The following DAPK2 variants were observed in gnomAD, a reference collection of about 807,000 sequenced individuals.
The protein encoded by DAPK2 is death associated protein kinase 2.
Under a neutral mutation model 44.1 loss-of-function variants are expected in DAPK2, and 35 were observed. The observed-to-expected ratio is 0.79, with a 90% CI of 0.61 to 1.05. The LOEUF (loss-of-function observed/expected upper bound fraction) is 1.05, where lower values mean the gene tolerates loss of function less well. Among genes scored for constraint, DAPK2 ranks in the 50% least tolerant of loss-of-function variants. The pLI is 0.00. For synonymous variants in DAPK2, 174 were observed against 182.6 expected (o/e 0.95, Z 0.38); for missense variants, 453 against 483.2 (o/e 0.94, Z 0.59).
chr15:63,921,563 G>A (rs1276947055), intron 8 of DAPK2: 2 of 152,242 alleles, frequency 1.3e-5, no homozygotes, highest in Non-Finnish European at 2.9e-5. Flanking sequence ...AGGGAGATGA[G>A]ATCTTATAAT....
chr15:63,996,294 T>G (rs1201127141), intron 1 of DAPK2, among the ~76,000 whole-genome samples: 2 of 152,120 alleles, frequency 1.3e-5, no homozygotes, highest in East Asian at 3.9e-4. Flanking sequence ...ATTGTTTTAA[T>G]TAGCTGGGCA....
Position 63,988,560 on chromosome 15 carries a change from G to C in DAPK2, c.93-4806C>G, listed in dbSNP as rs58868979. Among the ~76,000 whole-genome samples the C allele has an allele frequency of 2.0e-3, 302 of 150,044 alleles. 3 individuals carry two copies. Among genetic ancestry groups the C allele is most frequent in the African/African-American group, 6.9e-3 (283 of 40,782 alleles). On this transcript the variant is annotated intron_variant, in intron 1 of 10. Coordinates refer to ENST00000261891, the Ensembl canonical transcript of DAPK2. ...CGCTCTGTTGCCCAGGATGGAGTAC[G>C]GTGGCGCAATCTCGGCTCACTGCAA...
At chr15:63,993,061 T>C (rs1310915515) in intron 1 of DAPK2, among the ~76,000 whole-genome samples, 1 of 152,124 alleles carries the variant, frequency 6.6e-6, no homozygotes, top group African/African-American at 2.4e-5. Context: ...AAGTGAACCA[T>C]TCATGTTCTA....
intron 3 of DAPK2, among the ~76,000 whole-genome samples, chr15:63,949,454 C>T (rs2077531525): frequency 6.6e-6 from 1 of 152,182 alleles, no homozygotes; most frequent in Non-Finnish European, 1.5e-5. Flanking sequence ...GCTCTCCCTT[C>T]CCTTCCCTTT....
chr15:63,956,585 T>C (rs549934881), intron 3 of DAPK2, among the ~76,000 whole-genome samples: 292 of 152,144 alleles, frequency 1.9e-3, no homozygotes, highest in African/African-American at 6.4e-3. Flanking sequence ...ATGATTTCAA[T>C]TTAAATTTTT....
intron 3 of DAPK2, among the ~76,000 whole-genome samples, chr15:63,965,726 GC>G (rs1305779650): frequency 2.6e-5 from 4 of 152,062 alleles, no homozygotes; most frequent in East Asian, 1.9e-4. Flanking sequence ...TCCCCCCATG[GC>G]CCCCACTGCC....
At chr15:63,985,734 C>T (rs1020026349) in intron 1 of DAPK2, among the ~76,000 whole-genome samples, 16 of 152,208 alleles carry the variant, frequency 1.1e-4, no homozygotes, top group African/African-American at 3.1e-4. Context: ...ACTTGTGAAA[C>T]GGCAGAAGGG....
At chr15:63,956,458 T>C (rs2077725262) in intron 3 of DAPK2, among the ~76,000 whole-genome samples, 1 of 152,162 alleles carries the variant, frequency 6.6e-6, no homozygotes, top group Non-Finnish European at 1.5e-5. Flanking sequence ...ATTTCTTCAA[T>C]AGCCCACTGG....
At chr15:63,922,672 A>C (rs1180784938) in intron 8 of DAPK2, 3 of 1,456,876 alleles carry the variant, frequency 2.1e-6, no homozygotes, top group Non-Finnish European at 1.8e-6. Context: ...AGGCCGCAGC[A>C]GGGTGGATGA....
rs2078215826 is a variant in DAPK2, at chr15:63,971,638, C to G, written c.315-77G>C. 3 of 1,521,562 alleles carry G rather than the reference C, an allele frequency of 2.0e-6. No homozygotes were observed. In the Admixed American group the frequency reaches 6.1e-5, roughly 31 times the overall value. 94.3% of individuals were successfully genotyped at this position (1,521,562 alleles called of 1,614,324 possible). A position where few individuals can be genotyped will look rare whatever the true frequency, so the allele number is the denominator to read the frequency against. On this transcript the variant is annotated intron_variant, in intron 2 of 10. Coordinates refer to ENST00000261891, the Ensembl canonical transcript of DAPK2. ...TGTCATGAGGCTGGGCTGATAGGGG[C>G]AAGCCCTCATCCTGACCCCCCAGGG...
intron 1 of DAPK2, among the ~76,000 whole-genome samples, chr15:64,028,251 G>T (rs1042117428): frequency 1.3e-5 from 2 of 152,174 alleles, no homozygotes; most frequent in African/African-American, 4.8e-5. Context: ...TAGAGATGGG[G>T]TTTCGCCATG....
chr15:63,978,281 C>G (rs373817152), intron 2 of DAPK2, among the ~76,000 whole-genome samples: 5 of 152,316 alleles, frequency 3.3e-5, no homozygotes, highest in African/African-American at 1.2e-4. Flanking sequence ...AGTCTGCCAG[C>G]CCCTGCCAGG....
rs1031072696 is a variant in DAPK2, at chr15:64,036,097, C to T, written c.92+4073G>A. On this transcript the variant is annotated intron_variant, in intron 1 of 10. Coordinates refer to ENST00000261891, the Ensembl canonical transcript of DAPK2. ...CCAGCATGGTGAAACCCCATATCTA[C>T]TAAAAATACAAAAATTAGCCAGACA... Among the ~76,000 whole-genome samples, 2 of 151,518 alleles carry T rather than the reference C, an allele frequency of 1.3e-5. 1 individual carries two copies. The highest frequency in any genetic ancestry group is 4.2e-4 in the South Asian group (2 of 4,796).
At chr15:64,010,090 C>T (rs572608622) in intron 1 of DAPK2, among the ~76,000 whole-genome samples, 4 of 152,086 alleles carry the variant, frequency 2.6e-5, no homozygotes, top group Admixed American at 1.3e-4. Flanking sequence ...AAGTGTGACC[C>T]GAGACCAGTA....
chr15:64,020,084 T>C lies in DAPK2; in HGVS notation c.92+20086A>G, dbSNP rs148187487. Reference sequence around the variant, plus strand: ...CTGTGCCATAAGCCATGGCTCTAGATGAGTGATTCCTGCCCCAGCTGAGTA... The same window carrying C: ...CTGTGCCATAAGCCATGGCTCTAGACGAGTGATTCCTGCCCCAGCTGAGTA... On this transcript the variant is annotated intron_variant, in intron 1 of 10. Coordinates refer to ENST00000261891, the Ensembl canonical transcript of DAPK2. This position sits in a 1 kb window ranked among gnomAD's most constrained non-coding sequence, Gnocchi z 4.5. Among the ~76,000 whole-genome samples, 203 of 152,322 alleles carry C rather than the reference T, an allele frequency of 1.3e-3. 1 individual carries two copies. Among genetic ancestry groups the C allele is most frequent in the African/African-American group, 4.4e-3 (184 of 41,572 alleles).
In DAPK2 at chr15:63,966,690, G is replaced by T. The variant is rs2078062791; in HGVS notation, c.453+4733C>A. The stretch of plus-strand genomic sequence containing the variant: ...TTCCAGCGGGGTTCTGCCTGGTATT[G>T]CTTTCTGCTGTGACAGGGCAGCACT... On this transcript the variant is annotated intron_variant, in intron 3 of 10. Transcript: ENST00000261891. This position sits in a 1 kb window ranked among gnomAD's most constrained non-coding sequence, Gnocchi z 5.5. Among the ~76,000 whole-genome samples the T allele has an allele frequency of 6.6e-6, 1 of 152,134 alleles. No individual in the cohort carries two copies. The highest frequency in any genetic ancestry group is 2.4e-5 in the African/African-American group (1 of 41,424).
Position 63,966,571 on chromosome 15 carries a change from C to T in DAPK2, c.453+4852G>A, listed in dbSNP as rs1198248846. Among the ~76,000 whole-genome samples, 2 of 152,214 alleles carry T rather than the reference C, an allele frequency of 1.3e-5. No homozygotes were observed. Among genetic ancestry groups the T allele is most frequent in the Non-Finnish European group, 2.9e-5 (2 of 68,034 alleles). On this transcript the variant is annotated intron_variant, in intron 3 of 10. Coordinates refer to ENST00000261891, the Ensembl canonical transcript of DAPK2. The surrounding 1 kb of genome is among the most constrained non-coding windows in gnomAD (Gnocchi z 5.5). ...ACTTAGAAACCCAGAGCACTTTAGTCTGCAGTGGTGAGGCTTGCTGGAACT... is the reference window on the plus strand; with the variant it reads ...ACTTAGAAACCCAGAGCACTTTAGTTTGCAGTGGTGAGGCTTGCTGGAACT...
intron 2 of DAPK2, among the ~76,000 whole-genome samples, chr15:63,973,090 A>T (rs1478525279): frequency 6.6e-6 from 1 of 152,226 alleles, no homozygotes; most frequent in Non-Finnish European, 1.5e-5. Flanking sequence ...ATATCAAAGG[A>T]GGGGCCTCCA....
At chr15:64,021,501 A>T (rs974234495) in intron 1 of DAPK2, among the ~76,000 whole-genome samples, 4 of 152,334 alleles carry the variant, frequency 2.6e-5, no homozygotes, top group Admixed American at 6.5e-5. Flanking sequence ...CTGGCTAAGC[A>T]CAGCTGATGG....
Sources: allele counts gnomAD v4.1 joint callset (sites outside exome capture counted in the v4.1 genomes callset), GRCh38; gene constraint gnomAD v4.1.1; non-coding constraint Gnocchi (gnomAD v3.1); transcripts MANE v1.5; gene names NCBI Gene and HGNC (gene_info 2026-07-23, HGNC 2026-07-21).